Variants in XKR9 observed in about 807,000 individuals in gnomAD.
XKR9 encodes the protein XK-related protein 9.
XKR9 carries 32 observed loss-of-function variants against 32.0 expected under a neutral mutation model. The observed-to-expected ratio is 1.00, with a 90% CI of 0.76 to 1.34. The LOEUF (loss-of-function observed/expected upper bound fraction) is 1.34. XKR9 is among the 40% of genes most tolerant of loss of function. The pLI, the probability that XKR9 is intolerant of heterozygous loss-of-function variation, is 0.00. For synonymous variants in XKR9, 168 were observed against 143.4 expected, an observed-to-expected ratio of 1.17 and a Z score of -1.22; for missense variants, 546 against 429.7, an observed-to-expected ratio of 1.27 and a Z score of -2.39.
chr8:70,933,175 A>T, the XKR9 span, among the ~76,000 whole-genome samples: 3 of 152,082 alleles, frequency 2.0e-5, no homozygotes, highest in Non-Finnish European at 4.4e-5. Flanking sequence ...TGAAGAGAGA[A>T]CATAGGGGCT....
intron 2 of XKR9, among the ~76,000 whole-genome samples, chr8:70,747,448 C>A (rs1050456474): frequency 7.9e-5 from 12 of 152,126 alleles, no homozygotes; most frequent in African/African-American, 2.7e-4. Context: ...GGGAGTGGTA[C>A]TGGTGGCTTT....
the XKR9 span, among the ~76,000 whole-genome samples, chr8:70,940,979 T>A: frequency 1.9e-4 from 29 of 152,096 alleles, no homozygotes; most frequent in African/African-American, 6.8e-4. Context: ...ATTATTTTAG[T>A]GAAGTGAAGT....
intron 2 of XKR9, among the ~76,000 whole-genome samples, chr8:70,756,278 A>C (rs1405285969): frequency 1.3e-5 from 2 of 152,158 alleles, no homozygotes; most frequent in African/African-American, 4.8e-5. Context: ...GCTTTATAGT[A>C]AGTTTTGAAA....
chr8:70,793,630 A>G (rs1491000782), downstream of XKR9, among the ~76,000 whole-genome samples: 1 of 152,178 alleles, frequency 6.6e-6, no homozygotes, highest in Non-Finnish European at 1.5e-5. Context: ...AAGATGGACT[A>G]TAACAGCACT....
the XKR9 span, among the ~76,000 whole-genome samples, chr8:70,828,110 C>T: frequency 2.0e-5 from 3 of 152,070 alleles, no homozygotes; most frequent in Admixed American, 6.5e-5. Context: ...ACTGACTGAA[C>T]GAAGTTAGGG....
the XKR9 span, among the ~76,000 whole-genome samples, chr8:70,956,504 C>T: frequency 1.3e-5 from 2 of 152,188 alleles, no homozygotes; most frequent in African/African-American, 2.4e-5. Context: ...GGCAGCCCCG[C>T]TCCCATACCT....
At chr8:70,794,069 A>G (rs773699793), downstream of XKR9, among the ~76,000 whole-genome samples, 2 of 152,030 alleles carry the variant, frequency 1.3e-5, no homozygotes, top group South Asian at 2.1e-4. Context: ...GTTTTTGTGC[A>G]TCTTATGTTA....
chr8:70,904,324 G>A, the XKR9 span, among the ~76,000 whole-genome samples: 1 of 152,072 alleles, frequency 6.6e-6, no homozygotes, highest in African/African-American at 2.4e-5. Flanking sequence ...TGTATATTTG[G>A]GATAGTGAGC....
intron 2 of XKR9, among the ~76,000 whole-genome samples, chr8:70,769,668 A>G (rs763515610): frequency 3.3e-5 from 5 of 151,182 alleles, no homozygotes; most frequent in Non-Finnish European, 5.9e-5. Context: ...TCTTGTCTTC[A>G]TCCTTTATTT....
At chr8:71,024,118 T>G in the XKR9 span, among the ~76,000 whole-genome samples, 1 of 152,152 alleles carries the variant, frequency 6.6e-6, no homozygotes, top group Non-Finnish European at 1.5e-5. Flanking sequence ...GGAAGGGTGA[T>G]CCATAGGTCC....
chr8:70,675,437 T>G (rs1035185406), intron 2 of XKR9, among the ~76,000 whole-genome samples: 1 of 152,202 alleles, frequency 6.6e-6, no homozygotes, highest in Non-Finnish European at 1.5e-5. Flanking sequence ...CTTAAAGTCC[T>G]CTTCTGAAGA....
intron 4 of XKR9, 35 bp downstream of exon 4, chr8:70,707,188 G>A: frequency 6.5e-7 from 1 of 1,545,024 alleles, no homozygotes; most frequent in South Asian, 1.1e-5. Flanking sequence ...TTAAATGGAT[G>A]CCACTGAGAC....
intron 3 of XKR9, among the ~76,000 whole-genome samples, chr8:70,689,458 A>G (rs1248568036): frequency 2.1e-5 from 3 of 140,468 alleles, no homozygotes; most frequent in Non-Finnish European, 4.8e-5. Flanking sequence ...ATATATATAT[A>G]TGTATTTTAT....
the XKR9 span, among the ~76,000 whole-genome samples, chr8:71,054,656 C>G: frequency 6.6e-6 from 1 of 152,102 alleles, no homozygotes; most frequent in Admixed American, 6.6e-5. Flanking sequence ...TTGTAAGGTC[C>G]CAGGGGCATT....
chr8:70,922,912 C>T, the XKR9 span, among the ~76,000 whole-genome samples: 1 of 152,224 alleles, frequency 6.6e-6, no homozygotes, highest in African/African-American at 2.4e-5. Context: ...GTGCAGTCAG[C>T]TATGACAGTG....
the XKR9 span, among the ~76,000 whole-genome samples, chr8:70,897,939 A>G: frequency 1.3e-5 from 2 of 152,130 alleles, no homozygotes; most frequent in Admixed American, 1.3e-4. Context: ...AAATGTAATT[A>G]CTTTTACATT....
At chr8:71,056,423 T>C in the XKR9 span, among the ~76,000 whole-genome samples, 1 of 152,204 alleles carries the variant, frequency 6.6e-6, no homozygotes, top group Admixed American at 6.5e-5. Context: ...TATTAATGGC[T>C]ATAATGGGTT....
the XKR9 span, among the ~76,000 whole-genome samples, chr8:70,935,513 T>A: frequency 4.6e-5 from 7 of 151,972 alleles, no homozygotes; most frequent in Non-Finnish European, 8.8e-5. Flanking sequence ...GAGAGTGTAT[T>A]TCCCCCTCGT....
At chr8:70,957,807 T>G in the XKR9 span, among the ~76,000 whole-genome samples, 6 of 134,960 alleles carry the variant, frequency 4.4e-5, no homozygotes, top group East Asian at 2.1e-4. Context: ...TTTTTTTTTT[T>G]GGGACGGAGT....
Sources: gnomAD v4.1 joint callset for allele counts (sites outside exome capture counted in the v4.1 genomes callset) on GRCh38, gnomAD v4.1.1 for gene constraint, MANE v1.5 for transcripts, NCBI Gene and HGNC (gene_info 2026-07-23, HGNC 2026-07-21) for gene names.